The following FYB1 variants were observed in gnomAD, a reference collection of about 807,000 sequenced individuals.
FYB1 encodes the protein FYN binding protein 1.
In FYB1, 41 loss-of-function variants were observed where a neutral mutation model predicts 94.1. That is an observed-to-expected ratio of 0.44 (90% CI 0.34 to 0.57). FYB1 has a LOEUF of 0.57. FYB1 is among the 20% of genes least tolerant of loss of function. The pLI, the probability that FYB1 is intolerant of heterozygous loss-of-function variation, is 0.02. For synonymous variants in FYB1, 367 were observed against 353.2 expected (o/e 1.04, Z -0.44); for missense variants, 1,050 against 976.8 (o/e 1.07, Z -1.00).
At chr5:39,193,270 T>A (rs1372564399) in intron 2 of FYB1, among the ~76,000 whole-genome samples, 1 of 152,164 alleles carries the variant, frequency 6.6e-6, no homozygotes, top group African/African-American at 2.4e-5. Context: ...AGGGAGCAAA[T>A]CGATGATCTT....
chr5:39,268,922 A>G (rs544545246), intron 1 of FYB1, among the ~76,000 whole-genome samples: 1 of 152,328 alleles, frequency 6.6e-6, no homozygotes, highest in African/African-American at 2.4e-5. Flanking sequence ...CTCATATATT[A>G]TACCAAATAC....
chr5:39,248,126 A>T (rs1402440606), intron 1 of FYB1, among the ~76,000 whole-genome samples: 1 of 152,174 alleles, frequency 6.6e-6, no homozygotes, highest in Non-Finnish European at 1.5e-5. Flanking sequence ...AAAGAACTAT[A>T]AATAAAGAAA....
At chr5:39,152,649 C>A (rs935125400) in intron 3 of FYB1, among the ~76,000 whole-genome samples, 1 of 152,182 alleles carries the variant, frequency 6.6e-6, no homozygotes, top group East Asian at 1.9e-4. Context: ...ACCTGCCACT[C>A]GCTTTTTCCT....
At chr5:39,215,904 G>T (rs1258100267) in intron 1 of FYB1, among the ~76,000 whole-genome samples, 1 of 152,160 alleles carries the variant, frequency 6.6e-6, no homozygotes, top group South Asian at 2.1e-4. Flanking sequence ...ATCATTCTGG[G>T]TTATGTAGGT....
At chr5:39,170,416 C>G (rs761474664) in intron 2 of FYB1, 50 of 493,268 alleles carry the variant, frequency 1.0e-4, no homozygotes, top group Non-Finnish European at 1.7e-4. Context: ...CTGGGCCGGA[C>G]CCCCTCAGCA....
chr5:39,115,894 C>A (rs948541642), intron 16 of FYB1, among the ~76,000 whole-genome samples: 1 of 152,188 alleles, frequency 6.6e-6, no homozygotes, highest in Admixed American at 6.5e-5. Context: ...ACTTGCAAAT[C>A]CAACTGACAG....
upstream of FYB1, among the ~76,000 whole-genome samples, chr5:39,221,976 G>A (rs533887703): frequency 1.3e-5 from 2 of 151,826 alleles, no homozygotes; most frequent in South Asian, 2.1e-4. Context: ...ACTCCAGCCC[G>A]GGCCAACAAG....
intron 1 of FYB1, among the ~76,000 whole-genome samples, chr5:39,205,612 C>T (rs1748772082): frequency 6.6e-6 from 1 of 152,110 alleles, no homozygotes; most frequent in Non-Finnish European, 1.5e-5. Flanking sequence ...ATACCCTAGC[C>T]CATGATCAAA....
intron 1 of FYB1, among the ~76,000 whole-genome samples, chr5:39,265,449 A>C (rs1431615544): frequency 6.6e-6 from 1 of 150,816 alleles, no homozygotes; most frequent in African/African-American, 2.4e-5. Context: ...ACGCCACTGC[A>C]CTCCAGCCTG....
chr5:39,231,514 C>T lies in FYB1; in HGVS notation c.-27-28527G>A, dbSNP rs555286112. Among the ~76,000 whole-genome samples, 3 of 152,158 alleles carry T rather than the reference C, an allele frequency of 2.0e-5. No homozygotes were observed. In the South Asian group the frequency reaches 6.2e-4, roughly 32 times the overall value. On this transcript the variant is annotated intron_variant, in intron 1 of 1. Transcript: ENST00000510188. ...TTCTGGAAAATTCATAATACAATGACTATTGCAGGGTAATATATTTCAAGA... is the reference window on the plus strand; with the variant it reads ...TTCTGGAAAATTCATAATACAATGATTATTGCAGGGTAATATATTTCAAGA...
chr5:39,207,137 T>A lies in FYB1; in HGVS notation c.-27-4150A>T, dbSNP rs149102788. Among the ~76,000 whole-genome samples the A allele has an allele frequency of 4.0e-4, 61 of 152,344 alleles. 1 individual carries two copies. Among genetic ancestry groups the A allele is most frequent in the Admixed American group, 2.5e-3 (39 of 15,310 alleles). ...TTTCACAATCTGGAAGACATCAGAT[T>A]GTGAAATTCAATTTGCAATTTGCAA... On this transcript the variant is annotated intron_variant, in intron 1 of 18. Transcript: ENST00000512982.
chr5:39,122,854 T>A (rs1323297363), intron 13 of FYB1, among the ~76,000 whole-genome samples: 2 of 152,172 alleles, frequency 1.3e-5, no homozygotes, highest in Admixed American at 1.3e-4. Context: ...CCTTCCTCCT[T>A]TCCTTCGCCT....
intron 1 of FYB1, among the ~76,000 whole-genome samples, chr5:39,249,225 C>G: frequency 6.6e-6 from 1 of 152,184 alleles, no homozygotes; most frequent in South Asian, 2.1e-4. Flanking sequence ...AGAATGCCAG[C>G]CTTACATGTG....
chr5:39,130,275 G>T (rs560866551), intron 10 of FYB1, among the ~76,000 whole-genome samples: 53 of 152,074 alleles, frequency 3.5e-4, no homozygotes, highest in African/African-American at 1.2e-3. Context: ...GTGTTTGGGG[G>T]GACATGAAGA....
intron 2 of FYB1, among the ~76,000 whole-genome samples, chr5:39,196,033 A>C (rs1377324378): frequency 2.0e-5 from 3 of 152,172 alleles, no homozygotes; most frequent in Non-Finnish European, 4.4e-5. Context: ...ATAGATCTGC[A>C]AGATAGACCC....
chr5:39,259,072 C>T (rs1752104366), intron 1 of FYB1, among the ~76,000 whole-genome samples: 1 of 151,922 alleles, frequency 6.6e-6, no homozygotes, highest in Admixed American at 6.6e-5. Context: ...GGGATTTTGC[C>T]CCCTCACACC....
intron 16 of FYB1, among the ~76,000 whole-genome samples, chr5:39,111,299 T>A (rs866285718): frequency 6.6e-6 from 1 of 152,024 alleles, no homozygotes; most frequent in Non-Finnish European, 1.5e-5. Context: ...CTCAATACAA[T>A]CTCTAAATAA....
chr5:39,214,247 T>A (rs1749669023), intron 1 of FYB1, among the ~76,000 whole-genome samples: 1 of 152,228 alleles, frequency 6.6e-6, no homozygotes, highest in Non-Finnish European at 1.5e-5. Context: ...ATAACGAGTG[T>A]TGGACAGGAT....
chr5:39,150,627 T>G (rs192887226), intron 3 of FYB1, among the ~76,000 whole-genome samples: 1 of 152,342 alleles, frequency 6.6e-6, no homozygotes, highest in East Asian at 1.9e-4. Context: ...GATGGAAGCA[T>G]GATACTTACA....
Sources: gnomAD v4.1 joint callset for allele counts (sites outside exome capture counted in the v4.1 genomes callset) on GRCh38, gnomAD v4.1.1 for gene constraint, MANE v1.5 for transcripts, NCBI Gene and HGNC (gene_info 2026-07-23, HGNC 2026-07-21) for gene names.